Variants in FAM174B observed in about 807,000 individuals in gnomAD.
The protein encoded by FAM174B is membrane protein FAM174B.
FAM174B carries 12 observed loss-of-function variants against 10.9 expected under a neutral mutation model. The ratio of observed to expected loss-of-function variants is 1.10; its 90% CI spans 0.71 to 1.79. The LOEUF (loss-of-function observed/expected upper bound fraction) is 1.79. Ranked by LOEUF, FAM174B falls within the 40% of genes most tolerant of loss-of-function variation. The probability of loss-of-function intolerance (pLI) is 0.00; values close to 1 mark genes in which losing one functional copy is unlikely to be tolerated. For missense variants in FAM174B, 266 were observed against 233.3 expected, an observed-to-expected ratio of 1.14 and a Z score of -0.91; for synonymous variants, 132 against 115.8, an observed-to-expected ratio of 1.14 and a Z score of -0.90.
chr15:92,652,690 G>A (rs1250309635), intron 1 of FAM174B, among the ~76,000 whole-genome samples: 4 of 152,296 alleles, frequency 2.6e-5, no homozygotes, highest in African/African-American at 9.6e-5. Flanking sequence ...AGGTAGAAAC[G>A]GCGGCAGGTG....
chr15:92,619,021 G>C lies in FAM174B; in HGVS notation c.*435C>G. 3.3e-6 allele frequency: 2 copies of C among 603,772 alleles called. No homozygotes were observed. The highest frequency in any genetic ancestry group is 5.9e-6 in the Non-Finnish European group (2 of 340,574). 37.4% of individuals were successfully genotyped at this position (603,772 alleles called of 1,614,324 possible). A position where few individuals can be genotyped will look rare whatever the true frequency, so the allele number is the denominator to read the frequency against. On this transcript the variant is annotated 3_prime_UTR_variant, in exon 3 of 3. Transcript: ENST00000327355. ...AGATGGGGTCCAATGTGTAGATCCAGTAGAGAAGAATGTCGGAAATTCTAA... is the reference window on the plus strand; with the variant it reads ...AGATGGGGTCCAATGTGTAGATCCACTAGAGAAGAATGTCGGAAATTCTAA...
In FAM174B at chr15:92,618,742, GTGCACA is replaced by G. The variant is rs1361863518; in HGVS notation, c.*708_*713del. 4 of 113,976 alleles carry G rather than the reference GTGCACA, an allele frequency of 3.5e-5. No homozygotes were observed. Among genetic ancestry groups the G allele is most frequent in the Non-Finnish European group, 5.3e-5 (3 of 57,038 alleles). 7.1% of individuals were successfully genotyped at this position (113,976 alleles called of 1,614,324 possible). ...ATCACACACGTGCACACGCACACAC[GTGCACA>G]CACACACACACACACACGCACAGTT... On this transcript the variant is annotated 3_prime_UTR_variant, in exon 3 of 3. Coordinates refer to ENST00000327355, the MANE Select transcript of FAM174B (RefSeq NM_207446.3).
intron 1 of FAM174B, among the ~76,000 whole-genome samples, chr15:92,644,075 G>A (rs2050909844): frequency 6.6e-6 from 1 of 151,998 alleles, no homozygotes; most frequent in South Asian, 2.1e-4. Flanking sequence ...GACATAAGAA[G>A]TAACAGAGCT....
chr15:92,624,092 C>T (rs1377476292), intron 2 of FAM174B, among the ~76,000 whole-genome samples: 2 of 152,138 alleles, frequency 1.3e-5, no homozygotes, highest in Non-Finnish European at 1.5e-5. Context: ...GAAAATTGCC[C>T]GCAGGCTGCC....
In FAM174B at chr15:92,655,604, A is replaced by G; in HGVS notation, c.56T>C (p.Leu19Pro). 1 of 1,279,068 alleles carries G rather than the reference A, an allele frequency of 7.8e-7. No homozygotes were observed. The highest frequency in any genetic ancestry group is 9.8e-7 in the Non-Finnish European group (1 of 1,015,766). 79.2% of individuals were successfully genotyped at this position (1,279,068 alleles called of 1,614,324 possible). A position where few individuals can be genotyped will look rare whatever the true frequency, so the allele number is the denominator to read the frequency against. ...PLLPLLLLAL[L>P]AAPAARASRA... is the part of the protein sequence containing the mutation. ...GCTGGCGCGGGCGGCGGGAGCGGCCAGGAGCGCGAGCAGCAGCAGCGGCAG... is the reference window on the plus strand; with the variant it reads ...GCTGGCGCGGGCGGCGGGAGCGGCCGGGAGCGCGAGCAGCAGCAGCGGCAG... Residue 19 changes from leucine (L) to proline (P), a missense_variant, in exon 1 of 3, where the codon CTG (leucine) becomes CCG (proline). Transcript: ENST00000327355.
chr15:92,653,374 C>A (rs16974310), intron 1 of FAM174B, among the ~76,000 whole-genome samples: 1 of 152,128 alleles, frequency 6.6e-6, no homozygotes, highest in Non-Finnish European at 1.5e-5. Context: ...CAAAATTGTT[C>A]AAATACCTTC....
chr15:92,652,655 A>T (rs938622214), intron 1 of FAM174B, among the ~76,000 whole-genome samples: 12 of 152,278 alleles, frequency 7.9e-5, no homozygotes, highest in African/African-American at 2.9e-4. Flanking sequence ...AGCTTAACAG[A>T]TATTATTGCA....
chr15:92,630,878 T>TAC lies in FAM174B; in HGVS notation c.345-534_345-533insGT, dbSNP rs1174926530. On this transcript the variant is annotated intron_variant, in intron 1 of 2. Transcript: ENST00000327355. ...ATGTTACATATTACATATTATATATTATATATTACGTATTACATATTACAT... is the reference window on the plus strand; with the variant it reads ...ATGTTACATATTACATATTATATATTACATATATTACGTATTACATATTACAT... Among the ~76,000 whole-genome samples, 10 of 51,572 alleles carry TAC rather than the reference T, an allele frequency of 1.9e-4. 3 individuals carry two copies. Among genetic ancestry groups the TAC allele is most frequent in the Non-Finnish European group, 4.7e-4 (8 of 16,992 alleles). 33.8% of individuals were successfully genotyped at this position (51,572 alleles called of 152,430 possible). A position where few individuals can be genotyped will look rare whatever the true frequency, so the allele number is the denominator to read the frequency against.
In FAM174B at chr15:92,618,786, T is replaced by A. The variant is rs1311604849; in HGVS notation, c.*670A>T. The A allele has an allele frequency of 5.9e-6, 1 of 170,516 alleles. No homozygotes were observed. Among genetic ancestry groups the A allele is most frequent in the African/African-American group, 2.5e-5 (1 of 40,598 alleles). 10.6% of individuals were successfully genotyped at this position (170,516 alleles called of 1,614,324 possible). A position where few individuals can be genotyped will look rare whatever the true frequency, so the allele number is the denominator to read the frequency against. Reference sequence around the variant, plus strand: ...CACACGCACAGTTTTTCCCTGATACTGGAAATTCTTTGTGAACTAGCCACG... The same window carrying A: ...CACACGCACAGTTTTTCCCTGATACAGGAAATTCTTTGTGAACTAGCCACG... On this transcript the variant is annotated 3_prime_UTR_variant, in exon 3 of 3. Transcript: ENST00000327355.
At chr15:92,631,427 A>G (rs1317672425) in intron 1 of FAM174B, among the ~76,000 whole-genome samples, 1 of 45,380 alleles carries the variant, frequency 2.2e-5, no homozygotes, top group Non-Finnish European at 3.8e-5. Context: ...TATAATATAT[A>G]ATATAATATA....
At chr15:92,637,907 G>A (rs535867229) in intron 1 of FAM174B, among the ~76,000 whole-genome samples, 6 of 152,280 alleles carry the variant, frequency 3.9e-5, no homozygotes, top group African/African-American at 1.4e-4. Flanking sequence ...TCTAGAAAGA[G>A]CCCAGGTTTG....
At chr15:92,627,780 T>C (rs1002922332) in intron 2 of FAM174B, among the ~76,000 whole-genome samples, 3 of 152,232 alleles carry the variant, frequency 2.0e-5, no homozygotes, top group Non-Finnish European at 2.9e-5. Context: ...TTCCCAGCCG[T>C]GCAGGAGGAA....
At chr15:92,654,465 T>C (rs1303051371) in intron 1 of FAM174B, among the ~76,000 whole-genome samples, 1 of 152,198 alleles carries the variant, frequency 6.6e-6, no homozygotes, top group African/African-American at 2.4e-5. Context: ...GCATTCCTCT[T>C]AGCCCTGTCC....
At position 92,647,457 on chromosome 15, in the gene FAM174B, G is replaced by C. The variant is rs191008050; in HGVS notation, c.344+7859C>G. 1.7e-3 allele frequency among the ~76,000 whole-genome samples: 255 copies of C among 152,256 alleles called. 1 individual carries two copies. Among genetic ancestry groups the C allele is most frequent in the African/African-American group, 5.9e-3 (247 of 41,530 alleles). On this transcript the variant is annotated intron_variant, in intron 1 of 2. Transcript: ENST00000327355. Reference sequence around the variant, plus strand: ...CAAAAATAAAATTCTAAGCCCCCCAGCCAGTTGAAGAGACCTGGCCAAGAG... The same window carrying C: ...CAAAAATAAAATTCTAAGCCCCCCACCCAGTTGAAGAGACCTGGCCAAGAG...
intron 2 of FAM174B, among the ~76,000 whole-genome samples, chr15:92,626,139 A>ACGGAGTCTTGCTCTTTCAC (rs373252541): frequency 7.3e-6 from 1 of 137,398 alleles, no homozygotes; most frequent in Non-Finnish European, 1.5e-5. Flanking sequence ...TTTTTTTGAG[A>ACGGAGTCTTGCTCTTTCAC]CCAGGCCGGA....
At chr15:92,641,783 C>T (rs563156809) in intron 1 of FAM174B, among the ~76,000 whole-genome samples, 18 of 151,908 alleles carry the variant, frequency 1.2e-4, no homozygotes, top group Admixed American at 4.6e-4. Context: ...ACACCAGAAG[C>T]AAAAGCAACA....
intron 1 of FAM174B, among the ~76,000 whole-genome samples, chr15:92,645,290 T>G (rs755548738): frequency 6.6e-6 from 1 of 152,250 alleles, no homozygotes; most frequent in East Asian, 1.9e-4. Context: ...GTGTTAGCAC[T>G]GTTGGTTGAC....
Position 92,625,290 on chromosome 15 carries a change from CAAGATGTTACCAG to C in FAM174B, c.476+4911_476+4923del, listed in dbSNP as rs1228485932. ...TCTGATAGGCACAGGCTCTAAGTCA[CAAGATGTTACCAG>C]AGAGTTACCTGGGAAATAAGAAGCA... On this transcript the variant is annotated intron_variant, in intron 2 of 2. Coordinates refer to ENST00000327355, the MANE Select transcript of FAM174B (RefSeq NM_207446.3). 4.6e-5 allele frequency among the ~76,000 whole-genome samples: 7 copies of C among 152,268 alleles called. No individual in the cohort carries two copies. In the East Asian group the frequency reaches 1.3e-3, roughly 29 times the overall value.
intron 1 of FAM174B, among the ~76,000 whole-genome samples, chr15:92,639,958 T>G (rs1376075675): frequency 6.6e-6 from 1 of 151,900 alleles, no homozygotes; most frequent in African/African-American, 2.4e-5. Context: ...CACAGTGGCA[T>G]CCCACACTAA....
Sources: gnomAD v4.1 joint callset for allele counts (sites outside exome capture counted in the v4.1 genomes callset) on GRCh38, gnomAD v4.1.1 for gene constraint, MANE v1.5 for transcripts, NCBI Gene and HGNC (gene_info 2026-07-23, HGNC 2026-07-21) for gene names.